VTCN1: variants seen among roughly 807,000 people sequenced by gnomAD.
VTCN1 encodes V-set domain-containing T-cell activation inhibitor 1.
In VTCN1, 26 loss-of-function variants were observed where a neutral mutation model predicts 26.5. That is an observed-to-expected ratio of 0.98 (90% CI 0.72 to 1.36). The LOEUF (loss-of-function observed/expected upper bound fraction) is 1.36. Among genes scored for constraint, VTCN1 ranks in the 40% most tolerant of loss-of-function variants. The pLI, the probability that VTCN1 is intolerant of heterozygous loss-of-function variation, is 0.00. For missense variants in VTCN1, 298 were observed against 337.7 expected (o/e 0.88, Z 0.92); for synonymous variants, 116 against 130.7 (o/e 0.89, Z 0.77).
At chr1:117,174,495 G>A (rs1227497423) in intron 1 of VTCN1, among the ~76,000 whole-genome samples, 8 of 152,176 alleles carry the variant, frequency 5.3e-5, no homozygotes, top group South Asian at 2.1e-4. Flanking sequence ...GGCCAGGCGC[G>A]GTGACTCACG....
intron 2 of VTCN1, among the ~76,000 whole-genome samples, chr1:117,164,270 G>A (rs1482757094): frequency 1.3e-5 from 2 of 151,990 alleles, no homozygotes; most frequent in African/African-American, 4.8e-5. Context: ...TGCCCTGTAT[G>A]TAAGTCCTAA....
At chr1:117,205,325 T>C (rs1339748603) in intron 1 of VTCN1, among the ~76,000 whole-genome samples, 2 of 151,978 alleles carry the variant, frequency 1.3e-5, no homozygotes, top group Non-Finnish European at 2.9e-5. Flanking sequence ...TTGTTGATTT[T>C]TGTATTTTTT....
chr1:117,208,077 T>C (rs1189829264), intron 1 of VTCN1, among the ~76,000 whole-genome samples: 1 of 152,230 alleles, frequency 6.6e-6, no homozygotes, highest in Non-Finnish European at 1.5e-5. Flanking sequence ...CAATATGGCC[T>C]GTGCCTGTAA....
chr1:117,164,463 G>T (rs1652510556), intron 2 of VTCN1, among the ~76,000 whole-genome samples: 1 of 152,116 alleles, frequency 6.6e-6, no homozygotes. Flanking sequence ...GGCCTTTCCT[G>T]GTTGACCAGG....
rs986068286 is a variant in VTCN1, at chr1:117,155,269, A to C, written c.445+1305T>G. On this transcript the variant is annotated intron_variant, in intron 3 of 5. Coordinates refer to ENST00000369458, the MANE Select transcript of VTCN1 (RefSeq NM_024626.4). The surrounding 1 kb of genome is among the most constrained non-coding windows in gnomAD (Gnocchi z 4.8). ...ATGCTGTTAACATGACTTATTAATG[A>C]TGTTAACCTGGATCACCTGGCTAAA... Among the ~76,000 whole-genome samples the C allele has an allele frequency of 6.6e-6, 1 of 152,150 alleles. No individual in the cohort carries two copies. Among genetic ancestry groups the C allele is most frequent in the African/African-American group, 2.4e-5 (1 of 41,436 alleles).
At position 117,153,221 on chromosome 1, in the gene VTCN1, G is replaced by A; in HGVS notation, c.594C>T (p.Ser198=). 3 of 1,614,136 alleles carry A rather than the reference G, an allele frequency of 1.9e-6. No individual in the cohort carries two copies. Among genetic ancestry groups the A allele is most frequent in the Non-Finnish European group, 2.5e-6 (3 of 1,180,010 alleles). The change falls in exon 4 of 6, where the codon AGC becomes AGT. Residue 198 remains serine, a synonymous_variant. Transcript: ENST00000369458. ...TCACATTCTCAGAGTTCAGCTCAAA[G>A]CTGGTATTGGAGACTTCCGAGAAGT... ...GANFSEVSNT[S]FELNSENVTM... is the part of the protein sequence containing the mutation.
At chr1:117,206,973 G>A (rs1473016688) in intron 1 of VTCN1, among the ~76,000 whole-genome samples, 2 of 152,128 alleles carry the variant, frequency 1.3e-5, no homozygotes, top group Non-Finnish European at 1.5e-5. Flanking sequence ...ATAGGCTCAG[G>A]GAAGCTGAAA....
At chr1:117,208,328 G>T (rs1649200221) in intron 1 of VTCN1, among the ~76,000 whole-genome samples, 1 of 152,092 alleles carries the variant, frequency 6.6e-6, no homozygotes, top group Non-Finnish European at 1.5e-5. Flanking sequence ...TGGGTCATAT[G>T]AACTCATTTT....
At chr1:117,182,620 CT>C (rs1454210848) in intron 1 of VTCN1, among the ~76,000 whole-genome samples, 7 of 152,188 alleles carry the variant, frequency 4.6e-5, no homozygotes, top group Non-Finnish European at 8.8e-5. Context: ...ATGTAGAACC[CT>C]TCTGTGGTCC....
In VTCN1 at chr1:117,176,557, A is replaced by C. The variant is rs114136026; in HGVS notation, c.33-6386T>G. On this transcript the variant is annotated intron_variant, in intron 1 of 5. Coordinates refer to ENST00000369458, the MANE Select transcript of VTCN1 (RefSeq NM_024626.4). ...TCGAGTTTCTGCCTCCTTCTCAAAT[A>C]CTAACAGAACTGGGAGATACCACAT... 1.0e-3 allele frequency among the ~76,000 whole-genome samples: 158 copies of C among 152,336 alleles called. 1 individual carries two copies. Among genetic ancestry groups the C allele is most frequent in the African/African-American group, 3.7e-3 (152 of 41,566 alleles).
intron 3 of VTCN1, 93 bp from the exon 4 acceptor site, chr1:117,153,462 T>G: frequency 2.7e-5 from 4 of 147,478 alleles, no homozygotes; most frequent in Non-Finnish European, 4.3e-5. Flanking sequence ...AATGCAGTCA[T>G]TTTTTTTTTT....
intron 3 of VTCN1, among the ~76,000 whole-genome samples, chr1:117,153,981 A>G (rs1651934420): frequency 6.6e-6 from 1 of 152,218 alleles, no homozygotes; most frequent in South Asian, 2.1e-4. Context: ...TTTGAAATTA[A>G]GACTTAGCTT....
chr1:117,153,390 A>C (rs1651903696), intron 3 of VTCN1, 21 bp from the exon 4 acceptor site: 3 of 1,589,028 alleles, frequency 1.9e-6, no homozygotes, highest in Non-Finnish European at 2.6e-6. Flanking sequence ...AAAAGTCAGA[A>C]AGGGCAGATG....
chr1:117,187,325 A>AAG, intron 1 of VTCN1, among the ~76,000 whole-genome samples: 1 of 151,152 alleles, frequency 6.6e-6, no homozygotes, highest in East Asian at 1.9e-4. Flanking sequence ...AAAAAAAAAA[A>AAG]AAAAAAAAGG....
Position 117,147,008 on chromosome 1 carries a change from T to G in VTCN1, c.*45+605A>C, listed in dbSNP as rs775474934. ...GACAGAGGGGAGACAAAAATAGCTC[T>G]GAGGCTGTAACCCTGGAGGCTTGGT... is the stretch of plus-strand genomic sequence containing the variant. On this transcript the variant is annotated intron_variant, in intron 5 of 5. Coordinates refer to ENST00000369458, the MANE Select transcript of VTCN1 (RefSeq NM_024626.4). The surrounding 1 kb of genome is among the most constrained non-coding windows in gnomAD (Gnocchi z 4.6). 2.6e-5 allele frequency among the ~76,000 whole-genome samples: 4 copies of G among 152,148 alleles called. No individual in the cohort carries two copies. Among genetic ancestry groups the G allele is most frequent in the Non-Finnish European group, 5.9e-5 (4 of 68,016 alleles).
In VTCN1 at chr1:117,183,636, A is replaced by G. The variant is rs1331083538; in HGVS notation, c.33-13465T>C. ...ACTTGTTAAACTTGAGTCCTCTTGG[A>G]CATTTCTCTCCACAAACAAGGGGCA... On this transcript the variant is annotated intron_variant, in intron 1 of 5. Coordinates refer to ENST00000369458, the MANE Select transcript of VTCN1 (RefSeq NM_024626.4). The surrounding 1 kb of genome is among the most constrained non-coding windows in gnomAD (Gnocchi z 4.1). 6.6e-6 allele frequency among the ~76,000 whole-genome samples: 1 copy of G among 152,232 alleles called. No homozygotes were observed. The highest frequency in any genetic ancestry group is 1.5e-5 in the Non-Finnish European group (1 of 68,042).
chr1:117,210,847 G>C lies in VTCN1; in HGVS notation c.9C>G (p.Ser3=). ...ACCTCCAGAAGAGGATCTGCCCCAG[G>C]GAAGCCATGGCTGGGGAAGGTTCCC... MA[S]LGQILFWSII... is the part of the protein sequence containing the mutation. The change falls in exon 1 of 6, where the codon TCC becomes TCG. Residue 3 remains serine (S), a synonymous_variant. Transcript: ENST00000369458. 1 of 1,614,156 alleles carries C rather than the reference G, an allele frequency of 6.2e-7. No individual in the cohort carries two copies. The highest frequency in any genetic ancestry group is 1.7e-5 in the Admixed American group (1 of 60,028).
intron 1 of VTCN1, among the ~76,000 whole-genome samples, chr1:117,197,222 C>T (rs1648557221): frequency 6.6e-6 from 1 of 152,080 alleles, no homozygotes; most frequent in Non-Finnish European, 1.5e-5. Context: ...ATTTCATTGA[C>T]CCAGTAATTT....
At chr1:117,170,319 G>A (rs1652840282) in intron 1 of VTCN1, 148 bp from the exon 2 acceptor site, 2 of 788,710 alleles carry the variant, frequency 2.5e-6, no homozygotes, top group South Asian at 1.3e-5. Context: ...TCCTAGAAAC[G>A]GGTACCTTAG....
Sources: allele counts gnomAD v4.1 joint callset (sites outside exome capture counted in the v4.1 genomes callset), GRCh38; gene constraint gnomAD v4.1.1; non-coding constraint Gnocchi (gnomAD v3.1); transcripts MANE v1.5; gene names NCBI Gene and HGNC (gene_info 2026-07-23, HGNC 2026-07-21).